The following SDK1 variants were observed in gnomAD, a reference collection of about 807,000 sequenced individuals.
SDK1 encodes sidekick cell adhesion molecule 1.
Under a neutral mutation model 245.5 loss-of-function variants are expected in SDK1, and 157 were observed. The ratio of observed to expected loss-of-function variants is 0.64; its 90% CI spans 0.56 to 0.73. The LOEUF is 0.73. Ranked by LOEUF, SDK1 falls within the 30% of genes least tolerant of loss-of-function variation. The pLI, the probability that SDK1 is intolerant of heterozygous loss-of-function variation, is 0.00. For missense variants in SDK1, 3,583 were observed against 3,002.3 expected, an observed-to-expected ratio of 1.19 and a Z score of -4.52; for synonymous variants, 1,647 against 1,278.5, an observed-to-expected ratio of 1.29 and a Z score of -6.15.
At chr7:4,223,500 T>G (rs1785253219) in intron 40 of SDK1, among the ~76,000 whole-genome samples, 1 of 152,188 alleles carries the variant, frequency 6.6e-6, no homozygotes, top group Admixed American at 6.5e-5. Context: ...TTCTGGTGAT[T>G]ACAGGCCATC....
In SDK1 at chr7:3,737,909, C is replaced by T. The variant is rs1779364067; in HGVS notation, c.714-83541C>T. On this transcript the variant is annotated intron_variant, in intron 4 of 44. Coordinates refer to ENST00000404826, the MANE Select transcript of SDK1 (RefSeq NM_152744.4). ...GACCAAACCAAATCCCTCCACTCTT[C>T]TTACCCTTCTAATGAAACTTTTCTT... Among the ~76,000 whole-genome samples the T allele has an allele frequency of 1.3e-5, 2 of 152,222 alleles. 1 individual carries two copies. Among genetic ancestry groups the T allele is most frequent in the Admixed American group, 1.3e-4 (2 of 15,290 alleles).
At chr7:3,832,786 C>T (rs1779942934) in intron 5 of SDK1, among the ~76,000 whole-genome samples, 1 of 152,006 alleles carries the variant, frequency 6.6e-6, no homozygotes, top group Non-Finnish European at 1.5e-5. Flanking sequence ...AATTATTCTG[C>T]CTGCACCCCT....
chr7:3,926,164 A>G (rs1366972027), intron 5 of SDK1, among the ~76,000 whole-genome samples: 2 of 152,168 alleles, frequency 1.3e-5, no homozygotes, highest in Non-Finnish European at 2.9e-5. Flanking sequence ...AGAAGCATGC[A>G]TTCCCGTGGG....
chr7:3,656,511 C>G (rs1355403509), intron 4 of SDK1, among the ~76,000 whole-genome samples: 1 of 152,148 alleles, frequency 6.6e-6, no homozygotes, highest in Admixed American at 6.5e-5. Context: ...GGGGGTACTG[C>G]TGGAGTCAAA....
chr7:3,640,540 T>G (rs1256622579), intron 3 of SDK1, among the ~76,000 whole-genome samples: 24 of 152,250 alleles, frequency 1.6e-4, no homozygotes, highest in Admixed American at 1.6e-3. Flanking sequence ...ATTGAATGAT[T>G]GAAAATGTAA....
At chr7:3,735,543 C>T (rs189896212) in intron 4 of SDK1, among the ~76,000 whole-genome samples, 9 of 152,304 alleles carry the variant, frequency 5.9e-5, no homozygotes, top group African/African-American at 1.9e-4. Context: ...GCATAGGGCA[C>T]GGTGTGTTTA....
intron 1 of SDK1, among the ~76,000 whole-genome samples, chr7:3,584,372 A>G (rs1270066483): frequency 6.6e-6 from 1 of 152,034 alleles, no homozygotes; most frequent in Non-Finnish European, 1.5e-5. Flanking sequence ...CATCCCTTCA[A>G]GCCCCACATG....
At chr7:3,376,119 C>T (rs935259696) in intron 1 of SDK1, among the ~76,000 whole-genome samples, 1 of 152,058 alleles carries the variant, frequency 6.6e-6, no homozygotes, top group Non-Finnish European at 1.5e-5. Context: ...ATTGCTTGGG[C>T]CCAGGAGTTT....
intron 4 of SDK1, among the ~76,000 whole-genome samples, chr7:3,682,582 G>A (rs911701486): frequency 3.0e-4 from 2 of 6,712 alleles, no homozygotes; most frequent in Non-Finnish European, 9.6e-4. Context: ...CCTTCAGCAC[G>A]GCTGGCCTCT....
intron 1 of SDK1, among the ~76,000 whole-genome samples, chr7:3,401,500 G>A (rs554261961): frequency 3.3e-5 from 5 of 152,234 alleles, no homozygotes; most frequent in African/African-American, 1.2e-4. Context: ...GGAACCCATA[G>A]GACTTCATAA....
intron 32 of SDK1, among the ~76,000 whole-genome samples, chr7:4,163,530 T>C (rs1420306430): frequency 6.6e-6 from 1 of 151,958 alleles, no homozygotes; most frequent in Non-Finnish European, 1.5e-5. Context: ...CCAGTAGGTG[T>C]CCCAGACAGA....
intron 25 of SDK1, among the ~76,000 whole-genome samples, chr7:4,118,563 A>T (rs961479217): frequency 1.3e-5 from 2 of 152,122 alleles, no homozygotes; most frequent in Non-Finnish European, 2.9e-5. Context: ...CGACAAAGCA[A>T]CTCTACTCCT....
intron 30 of SDK1, among the ~76,000 whole-genome samples, chr7:4,156,957 C>G (rs1235233340): frequency 6.6e-6 from 1 of 152,158 alleles, no homozygotes; most frequent in Non-Finnish European, 1.5e-5. Context: ...TCCTGAGGCA[C>G]CCCGAGTTTT....
chr7:4,155,289 T>C (rs1170359184), intron 30 of SDK1, among the ~76,000 whole-genome samples: 1 of 151,618 alleles, frequency 6.6e-6, no homozygotes, highest in Non-Finnish European at 1.5e-5. Flanking sequence ...TCAATCCTTG[T>C]TGAATGAAGT....
At chr7:3,565,779 A>G (rs1183369583) in intron 1 of SDK1, among the ~76,000 whole-genome samples, 1 of 152,230 alleles carries the variant, frequency 6.6e-6, no homozygotes, top group Non-Finnish European at 1.5e-5. Flanking sequence ...TGCTATGTTA[A>G]GTAGTTGTTA....
intron 5 of SDK1, among the ~76,000 whole-genome samples, chr7:3,831,976 G>C (rs896240135): frequency 6.6e-6 from 1 of 152,106 alleles, no homozygotes; most frequent in Non-Finnish European, 1.5e-5. Flanking sequence ...ACTTGAGCCA[G>C]GGAGGTCAAG....
At chr7:3,459,161 C>G (rs180929332) in intron 1 of SDK1, among the ~76,000 whole-genome samples, 1 of 152,124 alleles carries the variant, frequency 6.6e-6, no homozygotes, top group East Asian at 1.9e-4. Flanking sequence ...TTTGTTGTAA[C>G]TCTTGCATTT....
At chr7:3,991,645 C>T (rs1033972351) in intron 14 of SDK1, among the ~76,000 whole-genome samples, 2 of 152,230 alleles carry the variant, frequency 1.3e-5, no homozygotes, top group African/African-American at 4.8e-5. Context: ...TCTCCTGAAG[C>T]TGGCCGACGT....
chr7:3,538,607 G>C (rs1252764617), intron 1 of SDK1, among the ~76,000 whole-genome samples: 1 of 152,142 alleles, frequency 6.6e-6, no homozygotes, highest in Non-Finnish European at 1.5e-5. Flanking sequence ...TGGATTCCAT[G>C]TTAAGGAATT....
Sources: allele counts gnomAD v4.1 joint callset (sites outside exome capture counted in the v4.1 genomes callset), GRCh38; gene constraint gnomAD v4.1.1; transcripts MANE v1.5; gene names NCBI Gene and HGNC (gene_info 2026-07-23, HGNC 2026-07-21).